The following MMP20 variants were observed in gnomAD, a reference collection of about 807,000 sequenced individuals.
The protein encoded by MMP20 is matrix metalloproteinase-20.
MMP20 carries 50 observed loss-of-function variants against 51.8 expected under a neutral mutation model. That is an observed-to-expected ratio of 0.97 (90% CI 0.77 to 1.22). The LOEUF (loss-of-function observed/expected upper bound fraction) is 1.22. Ranked by LOEUF, MMP20 falls within the 50% of genes most tolerant of loss-of-function variation. The probability of loss-of-function intolerance (pLI) is 0.00; values close to 1 mark genes in which losing one functional copy is unlikely to be tolerated. For missense variants in MMP20, 663 were observed against 601.4 expected, an observed-to-expected ratio of 1.10 and a Z score of -1.07; for synonymous variants, 244 against 216.2, an observed-to-expected ratio of 1.13 and a Z score of -1.13.
chr11:102,591,379 G>C (rs1003681241), intron 8 of MMP20, among the ~76,000 whole-genome samples: 8 of 152,188 alleles, frequency 5.3e-5, no homozygotes, highest in Admixed American at 4.6e-4. Flanking sequence ...CCAGATTTTT[G>C]ACTGAATCGC....
intron 2 of MMP20, among the ~76,000 whole-genome samples, chr11:102,615,718 G>A (rs1014682217): frequency 6.6e-6 from 1 of 152,108 alleles, no homozygotes; most frequent in East Asian, 1.9e-4. Context: ...CACTTGTGGT[G>A]GGAATGCTGC....
At chr11:102,593,094 A>AT (rs1859336074) in intron 8 of MMP20, among the ~76,000 whole-genome samples, 1 of 152,234 alleles carries the variant, frequency 6.6e-6, no homozygotes, top group Admixed American at 6.5e-5. Flanking sequence ...TGATGGTCAC[A>AT]TAACAGCAAA....
intron 6 of MMP20, among the ~76,000 whole-genome samples, chr11:102,600,129 T>C (rs1859428387): frequency 6.6e-6 from 1 of 152,202 alleles, no homozygotes; most frequent in Non-Finnish European, 1.5e-5. Context: ...TGCCATTTGT[T>C]GGCTTTCAGG....
At chr11:102,613,690 A>G (rs1361609795) in intron 2 of MMP20, among the ~76,000 whole-genome samples, 1 of 152,202 alleles carries the variant, frequency 6.6e-6, no homozygotes, top group Non-Finnish European at 1.5e-5. Context: ...AAATAGCTCA[A>G]TTCAGGACTT....
At chr11:102,622,312 G>T (rs1239375015) in intron 1 of MMP20, among the ~76,000 whole-genome samples, 1 of 152,090 alleles carries the variant, frequency 6.6e-6, no homozygotes, top group East Asian at 1.9e-4. Flanking sequence ...CACTCTCTCT[G>T]CTTAGCGTGA....
intron 2 of MMP20, among the ~76,000 whole-genome samples, chr11:102,614,009 C>T (rs950093612): frequency 3.3e-5 from 5 of 152,146 alleles, no homozygotes; most frequent in African/African-American, 1.2e-4. Flanking sequence ...AAGGGATCCC[C>T]GAATCAGGGT....
chr11:102,607,180 T>C (rs1438971303), intron 5 of MMP20: 1 of 167,938 alleles, frequency 6.0e-6, no homozygotes, highest in African/African-American at 2.4e-5. Flanking sequence ...CATCCTGCCC[T>C]GTGCTTTTGT....
intron 8 of MMP20, among the ~76,000 whole-genome samples, chr11:102,591,987 C>T (rs1859322717): frequency 6.6e-6 from 1 of 152,174 alleles, no homozygotes; most frequent in Admixed American, 6.5e-5. Flanking sequence ...CATTGAGAAT[C>T]ACACTGTGAA....
rs17099025 is a variant in MMP20 at position 102,612,156 on chromosome 11, C to T, written c.375-253G>A. On this transcript the variant is annotated intron_variant, in intron 2 of 9. Coordinates refer to ENST00000260228, the MANE Select transcript of MMP20 (RefSeq NM_004771.4). ...TTTAGCTTTCATTGTTATTATACTA[C>T]CACCGACTTAAAAGAATAAAATTTG... 9.5e-3 allele frequency among the ~76,000 whole-genome samples: 1,450 copies of T among 152,254 alleles called. 36 individuals carry two copies. Among genetic ancestry groups the T allele is most frequent in the African/African-American group, 0.033 (1,382 of 41,528 alleles).
chr11:102,585,188 A>G (rs1859240860), intron 8 of MMP20, among the ~76,000 whole-genome samples: 1 of 152,154 alleles, frequency 6.6e-6, no homozygotes, highest in Non-Finnish European at 1.5e-5. Context: ...GAATCTACAG[A>G]TCAATTTGGG....
At chr11:102,619,547 T>A (rs1859720604) in intron 1 of MMP20, among the ~76,000 whole-genome samples, 1 of 148,890 alleles carries the variant, frequency 6.7e-6, no homozygotes, top group African/African-American at 2.5e-5. Context: ...TCAAGATAAA[T>A]CATAATTTAA....
At chr11:102,615,061 AATT>A (rs1859650243) in intron 2 of MMP20, among the ~76,000 whole-genome samples, 1 of 147,846 alleles carries the variant, frequency 6.8e-6, no homozygotes, top group Non-Finnish European at 1.5e-5. Context: ...ATATTAATGT[AATT>A]ATTTAATATA....
At chr11:102,612,885 C>T (rs1340425233) in intron 2 of MMP20, among the ~76,000 whole-genome samples, 6 of 151,820 alleles carry the variant, frequency 4.0e-5, no homozygotes, top group Non-Finnish European at 8.8e-5. Flanking sequence ...TATAGGTGCC[C>T]GCCACCACGC....
At position 102,611,822 on chromosome 11, in the gene MMP20, G is replaced by A. The variant is rs966994576; in HGVS notation, c.456C>T (p.Ala152=). ...TTATTCTGACAAAGCTCAGAGGGAC[G>A]GCGCTACTCCAGGCCTGCAAGGCCA... ...VEMALQAWSS[A]VPLSFVRINS... is the part of the protein sequence containing the mutation. The change falls in exon 3 of 10, where the codon GCC becomes GCT. Residue 152 remains alanine (A), a synonymous_variant. Coordinates refer to ENST00000260228, the MANE Select transcript of MMP20 (RefSeq NM_004771.4). 5.0e-6 allele frequency: 8 copies of A among 1,614,082 alleles called. No homozygotes were observed. The highest frequency in any genetic ancestry group is 2.7e-5 in the African/African-American group (2 of 74,924).
In MMP20 at chr11:102,625,263, A is replaced by G. The variant is rs1859808237; in HGVS notation, c.57T>C (p.Phe19=). 3.1e-6 allele frequency: 5 copies of G among 1,613,936 alleles called. No individual in the cohort carries two copies. The highest frequency in any genetic ancestry group is 4.2e-6 in the Non-Finnish European group (5 of 1,179,914). Residue 19 remains phenylalanine (F), a synonymous_variant, in exon 1 of 10, where the codon TTT becomes TTC. Coordinates refer to ENST00000260228, the MANE Select transcript of MMP20 (RefSeq NM_004771.4). ...LAVFLIMALK[F]STAAPSLVAA... The stretch of plus-strand genomic sequence containing the variant: ...CAACTAGGGAGGGGGCTGCAGTGGA[A>G]AACTTCAAAGCCATGATGAGGAAGA...
chr11:102,614,179 G>A (rs1859638339), intron 2 of MMP20, among the ~76,000 whole-genome samples: 1 of 152,126 alleles, frequency 6.6e-6, no homozygotes, highest in Admixed American at 6.5e-5. Context: ...GATTAGTCAG[G>A]TTTGAGCCCA....
chr11:102,589,048 C>T (rs191064398), intron 8 of MMP20, among the ~76,000 whole-genome samples: 7 of 152,238 alleles, frequency 4.6e-5, no homozygotes, highest in African/African-American at 1.7e-4. Flanking sequence ...TAACATGTCC[C>T]TCTTCTCTGC....
At chr11:102,620,418 T>G (rs1591625801) in intron 1 of MMP20, among the ~76,000 whole-genome samples, 2 of 152,218 alleles carry the variant, frequency 1.3e-5, no homozygotes, top group Non-Finnish European at 2.9e-5. Flanking sequence ...ATATGTTGGC[T>G]CAGCACTTAA....
In MMP20 at chr11:102,594,771, CAAAA is replaced by C. The variant is rs144425539; in HGVS notation, c.954-18_954-15del. The stretch of plus-strand genomic sequence containing the variant: ...CTCCAGAAAATCCTATGGGACATTC[CAAAA>C]AAAAAAAAAAAAAAAATCAAGATCA... On this transcript the variant is annotated splice_polypyrimidine_tract_variant and intron_variant, in intron 6 of 9. Coordinates refer to ENST00000260228, the MANE Select transcript of MMP20 (RefSeq NM_004771.4). 3,977 of 1,384,268 alleles carry C rather than the reference CAAAA, an allele frequency of 2.9e-3. No homozygotes were observed. Among genetic ancestry groups the C allele is most frequent in the East Asian group, 5.4e-3 (201 of 37,072 alleles). The allele number at this position is 1,384,268 out of a possible 1,614,324, so 85.7% of individuals were successfully genotyped here.
Sources: gnomAD v4.1 joint callset for allele counts (sites outside exome capture counted in the v4.1 genomes callset) on GRCh38, gnomAD v4.1.1 for gene constraint, MANE v1.5 for transcripts, NCBI Gene and HGNC (gene_info 2026-07-23, HGNC 2026-07-21) for gene names.